Variants in TTC7A observed in about 807,000 individuals in gnomAD.
TTC7A encodes the protein tetratricopeptide repeat domain 7A.
TTC7A carries 110 observed loss-of-function variants against 103.7 expected under a neutral mutation model. The observed-to-expected ratio is 1.06, with a 90% CI of 0.91 to 1.24. The LOEUF (loss-of-function observed/expected upper bound fraction) is 1.24. TTC7A is among the 50% of genes most tolerant of loss of function. TTC7A has a pLI of 0.00. For missense variants in TTC7A, 1,340 were observed against 1,116.3 expected (o/e 1.20, Z -2.86); for synonymous variants, 521 against 467.9 (o/e 1.11, Z -1.47).
At chr2:47,011,266 C>T in intron 10 of TTC7A, 65 bp from the exon 11 acceptor site, 1 of 1,468,584 alleles carries the variant, frequency 6.8e-7, no homozygotes, top group African/African-American at 1.4e-5. Flanking sequence ...GGAAGCTCGC[C>T]CCACTGTGGG....
rs529779612 is a variant in TTC7A, at chr2:46,919,305, C to T, written c.82+2028C>T. 7.2e-5 allele frequency among the ~76,000 whole-genome samples: 11 copies of T among 152,244 alleles called. No homozygotes were observed. In the South Asian group the frequency reaches 1.9e-3, roughly 26 times the overall value. ...ATCCCAGCACTTTGGGAGGCCGAGGCGGCAAATCACCTCAGGTCAGGAGTT... is the reference window on the plus strand; with the variant it reads ...ATCCCAGCACTTTGGGAGGCCGAGGTGGCAAATCACCTCAGGTCAGGAGTT... On this transcript the variant is annotated intron_variant, in intron 2 of 20. Transcript: ENST00000409245.
intron 1 of TTC7A, among the ~76,000 whole-genome samples, chr2:46,949,722 C>G (rs1055428869): frequency 2.0e-5 from 3 of 152,118 alleles, no homozygotes; most frequent in Admixed American, 6.6e-5. Context: ...TATCCTGAGT[C>G]ATGTCAAATT....
chr2:47,048,784 G>A (rs1682579087), intron 16 of TTC7A, among the ~76,000 whole-genome samples: 1 of 152,020 alleles, frequency 6.6e-6, no homozygotes, highest in African/African-American at 2.4e-5. Context: ...AACATTTTTT[G>A]TAGAGATGGG....
At chr2:46,984,664 G>A (rs1674823058) in intron 5 of TTC7A, among the ~76,000 whole-genome samples, 1 of 152,094 alleles carries the variant, frequency 6.6e-6, no homozygotes, top group Non-Finnish European at 1.5e-5. Context: ...AGAGAGACCA[G>A]TGGCAGTCAT....
chr2:46,950,260 A>G lies in TTC7A; in HGVS notation c.185-103A>G, dbSNP rs563765091. The G allele has an allele frequency of 1.6e-4, 198 of 1,200,564 alleles. No homozygotes were observed. The Middle Eastern group carries it at 2.0e-3, about 12-fold the overall frequency. The allele number at this position is 1,200,564 out of a possible 1,614,324, so 74.4% of individuals were successfully genotyped here. On this transcript the variant is annotated intron_variant, in intron 1 of 19. Coordinates refer to ENST00000319190, the MANE Select transcript of TTC7A (RefSeq NM_020458.4). ...TTATTTTCTCAGACCTGAGCCATTC[A>G]TGTACTGGGTATGGGTGGTTGGGTG...
At chr2:47,061,951 C>G (rs985014312) in intron 19 of TTC7A, among the ~76,000 whole-genome samples, 2 of 152,150 alleles carry the variant, frequency 1.3e-5, no homozygotes, top group Non-Finnish European at 2.9e-5. Flanking sequence ...TGGATGTCCC[C>G]CCTGTGAGAG....
chr2:46,931,005 T>TCATGAA (rs150227513), intron 2 of TTC7A, among the ~76,000 whole-genome samples: 15,143 of 152,218 alleles, frequency 0.099, 820 homozygotes, highest in Middle Eastern at 0.12. Flanking sequence ...TAGCCGTATC[T>TCATGAA]CATGGATACC....
intron 8 of TTC7A, among the ~76,000 whole-genome samples, chr2:47,001,481 G>A (rs979074754): frequency 6.6e-6 from 1 of 152,150 alleles, no homozygotes; most frequent in Non-Finnish European, 1.5e-5. Flanking sequence ...TGCAGAGGGT[G>A]GGGGGTGGTC....
intron 13 of TTC7A, among the ~76,000 whole-genome samples, chr2:47,023,973 G>T (rs763956626): frequency 4.9e-5 from 7 of 143,152 alleles, no homozygotes; most frequent in Non-Finnish European, 9.1e-5. Flanking sequence ...CTCCCTCTCT[G>T]CCCATGGGTT....
At chr2:46,927,546 G>A (rs1669454269) in intron 2 of TTC7A, among the ~76,000 whole-genome samples, 1 of 151,790 alleles carries the variant, frequency 6.6e-6, no homozygotes, top group Non-Finnish European at 1.5e-5. Context: ...GTTTTTAGTG[G>A]AGACAGGGTT....
intron 1 of TTC7A, among the ~76,000 whole-genome samples, chr2:46,949,334 C>G (rs183456958): frequency 6.6e-6 from 1 of 152,150 alleles, no homozygotes; most frequent in African/African-American, 2.4e-5. Flanking sequence ...CTCCCGAATT[C>G]AGGCAGTTCT....
chr2:47,041,273 C>T (rs775444916), intron 15 of TTC7A, among the ~76,000 whole-genome samples: 2 of 152,310 alleles, frequency 1.3e-5, no homozygotes, highest in South Asian at 2.1e-4. Flanking sequence ...TAACAGGCTC[C>T]AGGACTAGGC....
Position 47,024,347 on chromosome 2 carries a change from C to G in TTC7A, c.1629C>G (p.Ala543=), listed in dbSNP as rs758921420. 8.7e-6 allele frequency: 14 copies of G among 1,606,302 alleles called. No individual in the cohort carries two copies. Among genetic ancestry groups the G allele is most frequent in the Non-Finnish European group, 1.2e-5 (14 of 1,176,608 alleles). The part of the protein sequence containing the change: ...QVILYVSLQL[A]LVRQISSAME... ...TCCTCTATGTCTCGCTGCAGCTGGC[C>G]CTCGTCCGACAGGTGGGTTGTCCGT... is the stretch of plus-strand genomic sequence containing the variant. The change falls in exon 14 of 20, where the codon GCC becomes GCG. Residue 543 remains alanine (A), a synonymous_variant. Transcript: ENST00000319190.
At chr2:47,059,598 A>T (rs1012095923) in intron 18 of TTC7A, among the ~76,000 whole-genome samples, 1 of 152,054 alleles carries the variant, frequency 6.6e-6, no homozygotes, top group Non-Finnish European at 1.5e-5. Flanking sequence ...CCTGCCTGGG[A>T]GACCAAGGGG....
chr2:47,060,403 G>A (rs889770687), intron 18 of TTC7A, among the ~76,000 whole-genome samples: 1 of 152,034 alleles, frequency 6.6e-6, no homozygotes, highest in African/African-American at 2.4e-5. Context: ...TAAAAAAAAG[G>A]CTGCAGTGAG....
At chr2:46,989,764 A>G (rs1228472581) in intron 5 of TTC7A, among the ~76,000 whole-genome samples, 1 of 152,036 alleles carries the variant, frequency 6.6e-6, no homozygotes, top group East Asian at 1.9e-4. Context: ...ACAGAATCTT[A>G]AGATGCATAA....
intron 11 of TTC7A, among the ~76,000 whole-genome samples, chr2:47,017,158 C>A (rs2104519416): frequency 6.9e-6 from 1 of 145,172 alleles, no homozygotes; most frequent in Admixed American, 7.1e-5. Flanking sequence ...CAAGATCATG[C>A]CACTGCACTC....
chr2:47,050,332 C>A (rs189433947), intron 17 of TTC7A: 3 of 454,904 alleles, frequency 6.6e-6, no homozygotes, highest in Admixed American at 3.4e-5. Context: ...GAAACCGTTT[C>A]CCCTTAGGCT....
At chr2:46,993,616 A>G in intron 6 of TTC7A, 88 bp downstream of exon 6, 1 of 1,274,672 alleles carries the variant, frequency 7.8e-7, no homozygotes, top group Non-Finnish European at 1.1e-6. Context: ...CCTGTGAAGC[A>G]GGGGTGGCAG....
Sources: gnomAD v4.1 joint callset for allele counts (sites outside exome capture counted in the v4.1 genomes callset) on GRCh38, gnomAD v4.1.1 for gene constraint, MANE v1.5 for transcripts, NCBI Gene and HGNC (gene_info 2026-07-23, HGNC 2026-07-21) for gene names.